CLUL1: variants seen among roughly 807,000 people sequenced by gnomAD.
CLUL1 encodes the protein clusterin like 1.
A neutral mutation model predicts 49.4 loss-of-function variants in CLUL1; 43 were observed. The ratio of observed to expected loss-of-function variants is 0.87; its 90% CI spans 0.68 to 1.12. CLUL1 has a LOEUF of 1.12. CLUL1 is among the 50% of genes most tolerant of loss of function. CLUL1 has a pLI of 0.00. For missense variants in CLUL1, 486 were observed against 544.4 expected, an observed-to-expected ratio of 0.89 and a Z score of 1.07; for synonymous variants, 192 against 184.9, an observed-to-expected ratio of 1.04 and a Z score of -0.31.
intron 2 of CLUL1, among the ~76,000 whole-genome samples, chr18:610,156 C>T (rs1214699767): frequency 7.9e-5 from 12 of 152,068 alleles, no homozygotes; most frequent in African/African-American, 2.2e-4. Flanking sequence ...ACACATTTGC[C>T]AGGGTCATAA....
At chr18:634,489 C>A (rs1327480813) in intron 7 of CLUL1, among the ~76,000 whole-genome samples, 1 of 152,000 alleles carries the variant, frequency 6.6e-6, no homozygotes, top group Non-Finnish European at 1.5e-5. Context: ...CTTTAATTCC[C>A]TAATTGTTCT....
chr18:619,198 C>T lies in CLUL1; in HGVS notation c.107-15C>T, dbSNP rs565461142. ...TGATCAGATCTCAAAGAAAAAATTG[C>T]CACATGTCTTTTAGGTTTTTCTGAG... On this transcript the variant is annotated splice_polypyrimidine_tract_variant and intron_variant, in intron 3 of 9. Coordinates refer to ENST00000692774, the MANE Select transcript of CLUL1 (RefSeq NM_001393344.1). 2.4e-5 allele frequency: 39 copies of T among 1,606,980 alleles called. No homozygotes were observed. The highest frequency in any genetic ancestry group is 3.3e-5 in the Non-Finnish European group (39 of 1,178,066).
intron 2 of CLUL1, among the ~76,000 whole-genome samples, chr18:609,518 C>G (rs2073070968): frequency 6.6e-6 from 1 of 151,932 alleles, no homozygotes; most frequent in Non-Finnish European, 1.5e-5. Context: ...CCACTTGTCT[C>G]TCTGTGCTTA....
chr18:639,527 A>T (rs1173323017), intron 7 of CLUL1, among the ~76,000 whole-genome samples: 3 of 150,042 alleles, frequency 2.0e-5, no homozygotes, highest in Non-Finnish European at 4.4e-5. Context: ...GCACTTTGGG[A>T]GGCCAAGGCG....
chr18:623,643 T>TA (rs1914949650), intron 4 of CLUL1, among the ~76,000 whole-genome samples: 1 of 25,536 alleles, frequency 3.9e-5, no homozygotes, highest in African/African-American at 1.7e-4. Flanking sequence ...AGACTCTGTC[T>TA]CAAAAAAAAA....
At chr18:635,982 A>C (rs2074126649) in intron 7 of CLUL1, among the ~76,000 whole-genome samples, 1 of 151,980 alleles carries the variant, frequency 6.6e-6, no homozygotes, top group African/African-American at 2.4e-5. Context: ...TGATCCTCCC[A>C]CCTCAGCCTC....
intron 2 of CLUL1, 95 bp from the exon 3 acceptor site, chr18:617,893 G>GA (rs1307914415): frequency 7.0e-6 from 7 of 993,932 alleles, no homozygotes; most frequent in East Asian, 5.2e-5. Flanking sequence ...AAAATTGACA[G>GA]AAAAATGCTT....
intron 4 of CLUL1, among the ~76,000 whole-genome samples, chr18:623,739 A>T (rs1257828980): frequency 1.3e-5 from 2 of 150,960 alleles, no homozygotes; most frequent in East Asian, 3.9e-4. Context: ...GTCAAAATGT[A>T]TATTGGCAAG....
intron 7 of CLUL1, among the ~76,000 whole-genome samples, chr18:636,249 G>A (rs978024699): frequency 6.6e-6 from 1 of 152,098 alleles, no homozygotes; most frequent in African/African-American, 2.4e-5. Context: ...CCCATCATAA[G>A]TTTGAAAAAT....
In CLUL1 at chr18:649,879, CTTTTT is replaced by C; in HGVS notation, c.1398-8_1398-4del. ...TTATTAGTATTTTGATCATTGCTGC[CTTTTT>C]TTTTTTTTTTAAGGTAAGAAGATCT... is the stretch of plus-strand genomic sequence containing the variant. On this transcript the variant is annotated splice_polypyrimidine_tract_variant and intron_variant, in intron 9 of 9. Coordinates refer to ENST00000692774, the MANE Select transcript of CLUL1 (RefSeq NM_001393344.1). 1.0e-5 allele frequency: 12 copies of C among 1,154,574 alleles called. No individual in the cohort carries two copies. Among genetic ancestry groups the C allele is most frequent in the South Asian group, 1.4e-5 (1 of 70,256 alleles). The allele number at this position is 1,154,574 out of a possible 1,614,324, so 71.5% of individuals were successfully genotyped here. A position where few individuals can be genotyped will look rare whatever the true frequency, so the allele number is the denominator to read the frequency against.
intron 2 of CLUL1, among the ~76,000 whole-genome samples, chr18:615,755 C>T (rs1161323756): frequency 6.6e-6 from 1 of 152,152 alleles, no homozygotes; most frequent in Admixed American, 6.5e-5. Flanking sequence ...TTGCTATGAG[C>T]TGATCTGTTT....
intron 4 of CLUL1, among the ~76,000 whole-genome samples, chr18:622,048 G>C (rs7227548): frequency 0.2 from 30,628 of 151,952 alleles, 3,053 homozygotes; most frequent in Middle Eastern, 0.25. Context: ...AAAAAAATCT[G>C]TTTAACCCTG....
At chr18:633,751 G>C (rs1352580240) in intron 7 of CLUL1, among the ~76,000 whole-genome samples, 2 of 151,542 alleles carry the variant, frequency 1.3e-5, no homozygotes, top group Non-Finnish European at 2.9e-5. Context: ...AGAGAGTGAC[G>C]AGGTGAGTGG....
chr18:611,588 AT>A (rs1367025287), intron 2 of CLUL1, among the ~76,000 whole-genome samples: 2 of 152,132 alleles, frequency 1.3e-5, no homozygotes, highest in African/African-American at 4.8e-5. Context: ...GGACAAAAAT[AT>A]TTTTTAATAA....
chr18:599,189 C>T (rs895080203), intron 1 of CLUL1, among the ~76,000 whole-genome samples: 4 of 152,120 alleles, frequency 2.6e-5, no homozygotes, highest in Non-Finnish European at 5.9e-5. Context: ...AGTATTTTTA[C>T]ATGTCTTTAA....
chr18:599,710 A>G (rs985056991), intron 1 of CLUL1, among the ~76,000 whole-genome samples: 4 of 152,128 alleles, frequency 2.6e-5, no homozygotes, highest in African/African-American at 7.2e-5. Context: ...AGGTGGGTAG[A>G]TCACAAGGTC....
At chr18:644,751 A>G (rs1329493328) in intron 8 of CLUL1, among the ~76,000 whole-genome samples, 159 bp from the exon 9 acceptor site, 1 of 152,244 alleles carries the variant, frequency 6.6e-6, no homozygotes, top group Non-Finnish European at 1.5e-5. Flanking sequence ...ACATAACATG[A>G]ACAAGAAATA....
At chr18:637,356 G>C (rs1567974415) in intron 7 of CLUL1, among the ~76,000 whole-genome samples, 1 of 152,038 alleles carries the variant, frequency 6.6e-6, no homozygotes, top group Non-Finnish European at 1.5e-5. Flanking sequence ...GGTTACACGG[G>C]CCACAGAACA....
chr18:633,465 T>C (rs1209700136), intron 7 of CLUL1, 30 bp downstream of exon 7: 1 of 1,582,408 alleles, frequency 6.3e-7, no homozygotes, highest in Non-Finnish European at 8.7e-7. Context: ...TTTTTTATTC[T>C]ACTTTAAGTT....
Sources: gnomAD v4.1 joint callset for allele counts (sites outside exome capture counted in the v4.1 genomes callset) on GRCh38, gnomAD v4.1.1 for gene constraint, MANE v1.5 for transcripts, NCBI Gene and HGNC (gene_info 2026-07-23, HGNC 2026-07-21) for gene names.